Variants in DOCK5 observed in about 807,000 individuals in gnomAD.
DOCK5 encodes the protein dedicator of cytokinesis protein 5.
A neutral mutation model predicts 251.8 loss-of-function variants in DOCK5; 142 were observed. That is an observed-to-expected ratio of 0.56 (90% CI 0.49 to 0.65). The LOEUF (loss-of-function observed/expected upper bound fraction) is 0.65. DOCK5 is among the 30% of genes least tolerant of loss of function. The probability of loss-of-function intolerance (pLI) is 0.00; values close to 1 mark genes in which losing one functional copy is unlikely to be tolerated. For missense variants in DOCK5, 2,111 were observed against 2,312.3 expected, an observed-to-expected ratio of 0.91 and a Z score of 1.79; for synonymous variants, 842 against 835.5, an observed-to-expected ratio of 1.01 and a Z score of -0.13.
At chr8:25,218,704 C>G (rs902453092) in intron 1 of DOCK5, among the ~76,000 whole-genome samples, 8 of 152,162 alleles carry the variant, frequency 5.3e-5, no homozygotes, top group African/African-American at 1.9e-4. Context: ...GAAGGAAACA[C>G]TAACCGATTT....
intron 26 of DOCK5, among the ~76,000 whole-genome samples, chr8:25,348,362 G>GT (rs1394183880): frequency 6.6e-6 from 1 of 152,126 alleles, no homozygotes; most frequent in African/African-American, 2.4e-5. Context: ...CTCCCTTTGA[G>GT]TTTCTTTTGA....
At chr8:25,408,195 G>T (rs200649424) in intron 49 of DOCK5, 41 bp downstream of exon 49, 12 of 1,535,864 alleles carry the variant, frequency 7.8e-6, no homozygotes, top group East Asian at 4.9e-5. Flanking sequence ...CTGGAGGCTT[G>T]CCCCCCTCTC....
intron 39 of DOCK5, 81 bp from the exon 40 acceptor site, chr8:25,382,593 A>G: frequency 8.5e-7 from 1 of 1,171,038 alleles, no homozygotes; most frequent in Non-Finnish European, 1.2e-6. Context: ...CGTGGGAAAC[A>G]ACAAAACAAA....
At chr8:25,266,003 G>A (rs558089650) in intron 2 of DOCK5, among the ~76,000 whole-genome samples, 2 of 151,998 alleles carry the variant, frequency 1.3e-5, no homozygotes, top group Admixed American at 6.5e-5. Flanking sequence ...CATAGAATAC[G>A]TTGGTGTTCA....
At position 25,308,753 on chromosome 8, in the gene DOCK5, CCACCTTACCTCT is replaced by C. The variant is rs761480559; in HGVS notation, c.1050-29_1050-18del. The C allele has an allele frequency of 1.2e-6, 2 of 1,610,840 alleles. No homozygotes were observed. The highest frequency in any genetic ancestry group is 1.7e-6 in the Non-Finnish European group (2 of 1,177,384). Reference sequence around the variant, plus strand: ...TGCAGAGACTTCCTTTCTCCCCCTCCCACCTTACCTCTTATTTCTCTTTCCCAAGAATTGCGA... The same window carrying C: ...TGCAGAGACTTCCTTTCTCCCCCTCCTATTTCTCTTTCCCAAGAATTGCGA... On this transcript the variant is annotated intron_variant, in intron 11 of 51. Transcript: ENST00000276440.
chr8:25,273,593 A>G (rs1803969726), intron 3 of DOCK5, among the ~76,000 whole-genome samples: 1 of 152,206 alleles, frequency 6.6e-6, no homozygotes, highest in Non-Finnish European at 1.5e-5. Flanking sequence ...ACAGAGCAAG[A>G]CTCTGTCTCA....
At chr8:25,293,918 C>A (rs533841749) in intron 6 of DOCK5, among the ~76,000 whole-genome samples, 1 of 152,148 alleles carries the variant, frequency 6.6e-6, no homozygotes, top group Non-Finnish European at 1.5e-5. Flanking sequence ...GCACAAGAAT[C>A]GCTGGAACTC....
In DOCK5 at chr8:25,345,551, C is replaced by T; in HGVS notation, c.2694C>T (p.Asp898=). 2 of 1,613,938 alleles carry T rather than the reference C, an allele frequency of 1.2e-6. No individual in the cohort carries two copies. Among genetic ancestry groups the T allele is most frequent in the Non-Finnish European group, 1.7e-6 (2 of 1,179,880 alleles). Reference sequence around the variant, plus strand: ...TAGATGACAACTCCAACAAGCCTGACCACGAGGCAAGCTCGCAGCTTCTGA... The same window carrying T: ...TAGATGACAACTCCAACAAGCCTGATCACGAGGCAAGCTCGCAGCTTCTGA... ...GQLDDNSNKP[D]HEASSQLLSN... is the part of the protein sequence containing the mutation. Residue 898 remains aspartate (D), a synonymous_variant, in exon 26 of 52, where the codon GAC becomes GAT. Coordinates refer to ENST00000276440, the MANE Select transcript of DOCK5 (RefSeq NM_024940.8).
intron 1 of DOCK5, among the ~76,000 whole-genome samples, chr8:25,203,810 T>G (rs772188363): frequency 5.3e-5 from 8 of 152,200 alleles, no homozygotes; most frequent in Non-Finnish European, 8.8e-5. Flanking sequence ...TTACTTTTGG[T>G]TTAATGTCTT....
At chr8:25,293,509 T>TGA (rs1455927431) in intron 6 of DOCK5, among the ~76,000 whole-genome samples, 1 of 152,150 alleles carries the variant, frequency 6.6e-6, no homozygotes, top group Admixed American at 6.5e-5. Flanking sequence ...ACAGACCAAG[T>TGA]GAGCTTAAGT....
chr8:25,194,921 T>A (rs1218093864), intron 1 of DOCK5, among the ~76,000 whole-genome samples: 1 of 8,960 alleles, frequency 1.1e-4, no homozygotes, highest in African/African-American at 2.3e-4. Flanking sequence ...GCAACGGTAT[T>A]TTTTTTTTTT....
At chr8:25,256,638 CAA>C (rs891243325) in intron 2 of DOCK5, among the ~76,000 whole-genome samples, 15 of 48,924 alleles carry the variant, frequency 3.1e-4, no homozygotes, top group Non-Finnish European at 2.7e-4. Flanking sequence ...ATCTCCATCT[CAA>C]AAAAAAAAAA....
At chr8:25,211,042 A>T (rs1486321159) in intron 1 of DOCK5, among the ~76,000 whole-genome samples, 1 of 70,906 alleles carries the variant, frequency 1.4e-5, no homozygotes, top group African/African-American at 3.2e-5. Flanking sequence ...GGCTTGGTTC[A>T]TTACCAGCAA....
chr8:25,274,579 C>T (rs1317857612), intron 3 of DOCK5, among the ~76,000 whole-genome samples: 4 of 152,156 alleles, frequency 2.6e-5, no homozygotes, highest in African/African-American at 4.8e-5. Flanking sequence ...AAGTCTTCCC[C>T]ATGGGCAGTG....
chr8:25,351,603 G>T, intron 26 of DOCK5, 128 bp from the exon 27 acceptor site: 1 of 639,416 alleles, frequency 1.6e-6, no homozygotes, highest in Non-Finnish European at 2.8e-6. Flanking sequence ...TTCCACTTTT[G>T]GACAAGAGAT....
intron 1 of DOCK5, among the ~76,000 whole-genome samples, chr8:25,218,393 C>T (rs1802303430): frequency 6.6e-6 from 1 of 152,192 alleles, no homozygotes; most frequent in Admixed American, 6.5e-5. Context: ...GGTTACCACA[C>T]ACATGCCACC....
chr8:25,184,929 C>G lies in DOCK5; in HGVS notation c.21C>G (p.Thr7=), dbSNP rs1373501183. Residue 7 remains threonine (T), a synonymous_variant, in exon 1 of 52, where the codon ACC becomes ACG. Coordinates refer to ENST00000276440, the MANE Select transcript of DOCK5 (RefSeq NM_024940.8). The part of the protein sequence containing the change: MARWIP[T]KRQKYGVAIY... ...CCGCCATGGCCCGCTGGATCCCGAC[C>G]AAGAGGCAGAAGTACGGGGTTGGTG... 5 of 1,444,068 alleles carry G rather than the reference C, an allele frequency of 3.5e-6. No individual in the cohort carries two copies. Among genetic ancestry groups the G allele is most frequent in the African/African-American group, 1.5e-5 (1 of 68,692 alleles). 89.5% of individuals were successfully genotyped at this position (1,444,068 alleles called of 1,614,324 possible).
chr8:25,342,611 A>T (rs930750500), intron 25 of DOCK5, 104 bp downstream of exon 25: 13 of 755,696 alleles, frequency 1.7e-5, no homozygotes, highest in Non-Finnish European at 2.7e-5. Context: ...CAAAAAGCTA[A>T]AACAAGCTGC....
intron 27 of DOCK5, among the ~76,000 whole-genome samples, chr8:25,355,213 G>A (rs1384312449): frequency 1.3e-5 from 2 of 152,056 alleles, no homozygotes; most frequent in Non-Finnish European, 2.9e-5. Context: ...CAGCCTGGGT[G>A]ACAGAATGAG....
Sources: allele counts gnomAD v4.1 joint callset (sites outside exome capture counted in the v4.1 genomes callset), GRCh38; gene constraint gnomAD v4.1.1; transcripts MANE v1.5; gene names NCBI Gene and HGNC (gene_info 2026-07-23, HGNC 2026-07-21).